Variants in NR2C2 observed in about 807,000 individuals in gnomAD.
NR2C2 encodes nuclear receptor subfamily 2 group C member 2.
A neutral mutation model predicts 62.9 loss-of-function variants in NR2C2; 6 were observed. The ratio of observed to expected loss-of-function variants is 0.10; its 90% CI spans 0.05 to 0.19. The LOEUF (loss-of-function observed/expected upper bound fraction) is 0.19, where lower values mean the gene tolerates loss of function less well. Among genes scored for constraint, NR2C2 ranks in the 10% least tolerant of loss-of-function variants. The pLI is 1.00. For synonymous variants in NR2C2, 272 were observed against 273.8 expected, an observed-to-expected ratio of 0.99 and a Z score of 0.07; for missense variants, 479 against 762.7, an observed-to-expected ratio of 0.63 and a Z score of 4.38.
At chr3:15,013,370 GA>G (rs1313147498) in intron 2 of NR2C2, among the ~76,000 whole-genome samples, 2 of 152,218 alleles carry the variant, frequency 1.3e-5, no homozygotes, top group Admixed American at 6.5e-5. Flanking sequence ...CAGTAGGAAA[GA>G]TATAGTCCTA....
chr3:14,972,873 A>C (rs1005622172), intron 1 of NR2C2, among the ~76,000 whole-genome samples: 14 of 152,142 alleles, frequency 9.2e-5, no homozygotes, highest in African/African-American at 3.1e-4. Context: ...ACCAGATCTC[A>C]TGGTAACTCA....
In NR2C2 at chr3:15,023,355, C is replaced by T; in HGVS notation, c.704+8C>T. On this transcript the variant is annotated splice_region_variant and intron_variant, in intron 6 of 13. Transcript: ENST00000425241. The stretch of plus-strand genomic sequence containing the variant: ...AGACAAAGATGGAGCAAGGTCAGTC[C>T]CTTGTTCTCACTGCAATCAGCCTTT... 4.3e-6 allele frequency: 7 copies of T among 1,613,828 alleles called. No homozygotes were observed. Among genetic ancestry groups the T allele is most frequent in the Non-Finnish European group, 5.1e-6 (6 of 1,179,926 alleles).
intron 2 of NR2C2, among the ~76,000 whole-genome samples, chr3:15,010,299 T>C (rs923125618): frequency 4.6e-5 from 7 of 152,004 alleles, no homozygotes; most frequent in African/African-American, 1.7e-4. Context: ...TTTAGTTTTT[T>C]CATGGGCGTG....
At chr3:15,031,325 C>T (rs2041973993) in intron 9 of NR2C2, among the ~76,000 whole-genome samples, 1 of 152,082 alleles carries the variant, frequency 6.6e-6, no homozygotes, top group African/African-American at 2.4e-5. Context: ...GAAGCCCTCT[C>T]AGTCTCTAGG....
At chr3:14,965,038 C>T (rs1001299827) in intron 1 of NR2C2, among the ~76,000 whole-genome samples, 6 of 152,080 alleles carry the variant, frequency 3.9e-5, no homozygotes, top group African/African-American at 1.4e-4. Flanking sequence ...GCATGCACAT[C>T]GTTGGCATGT....
At position 15,003,933 on chromosome 3, in the gene NR2C2, C is replaced by G; in HGVS notation, c.19C>G (p.Arg7Gly). Residue 7 changes from arginine to glycine, a missense_variant, in exon 2 of 14, where the codon CGC becomes GGC. Transcript: ENST00000425241. MTSPSP[R>G]IQIISTDSAV... ...TCCAGGGATGACCAGCCCCTCCCCACGCATCCAGATAATCTCCACCGACTC... is the reference window on the plus strand; with the variant it reads ...TCCAGGGATGACCAGCCCCTCCCCAGGCATCCAGATAATCTCCACCGACTC... The G allele has an allele frequency of 6.2e-7, 1 of 1,613,912 alleles. No homozygotes were observed. The highest frequency in any genetic ancestry group is 1.7e-5 in the Admixed American group (1 of 59,992).
intron 1 of NR2C2, among the ~76,000 whole-genome samples, chr3:14,991,103 T>G (rs1444551603): frequency 1.3e-5 from 2 of 152,224 alleles, no homozygotes; most frequent in African/African-American, 4.8e-5. Context: ...GCGCTAAGTT[T>G]TACCTTTTTA....
intron 1 of NR2C2, among the ~76,000 whole-genome samples, chr3:14,977,070 A>G (rs2040227920): frequency 6.6e-6 from 1 of 152,030 alleles, no homozygotes; most frequent in Non-Finnish European, 1.5e-5. Context: ...TTCTTCCCTC[A>G]GTTTTTTTCT....
intron 1 of NR2C2, among the ~76,000 whole-genome samples, chr3:14,989,374 G>A (rs887967083): frequency 1.3e-5 from 2 of 152,174 alleles, no homozygotes; most frequent in Non-Finnish European, 2.9e-5. Context: ...TGCCCGGTGC[G>A]TGTTGGGTGG....
intron 2 of NR2C2, chr3:15,004,607 A>G (rs770657594): frequency 5.0e-6 from 8 of 1,612,502 alleles, no homozygotes; most frequent in Non-Finnish European, 5.9e-6. Flanking sequence ...CTTTGAACAA[A>G]GAGAAGGTAG....
chr3:14,982,407 T>A (rs1406297760), intron 1 of NR2C2, among the ~76,000 whole-genome samples: 1 of 152,148 alleles, frequency 6.6e-6, no homozygotes, highest in Non-Finnish European at 1.5e-5. Flanking sequence ...CTTTTCAGAG[T>A]TGGAATTGCA....
At chr3:15,032,300 G>T (rs1367609406) in intron 9 of NR2C2, 79 bp from the exon 10 acceptor site, 6 of 1,593,466 alleles carry the variant, frequency 3.8e-6, no homozygotes, top group Non-Finnish European at 4.3e-6. Context: ...ATTGAAGCAT[G>T]ACAGGGATAC....
chr3:15,000,834 T>G (rs564089783), intron 1 of NR2C2, among the ~76,000 whole-genome samples: 292 of 135,380 alleles, frequency 2.2e-3, no homozygotes, highest in Middle Eastern at 4.1e-3. Flanking sequence ...TTTTTTTTTT[T>G]GACGGAGTCT....
chr3:15,042,998 C>T lies in NR2C2; in HGVS notation c.1781C>T (p.Ala594Val), dbSNP rs1042123. The T allele has an allele frequency of 6.2e-7, 1 of 1,613,876 alleles. No homozygotes were observed. Among genetic ancestry groups the T allele is most frequent in the South Asian group, 1.1e-5 (1 of 91,048 alleles). ...GAGTATAATGGCCAGATCACCGGAG[C>T]CAGTCTATAGCGCAAACCACACACC... ...TAEYNGQITG[A>V]SL Residue 594 changes from alanine to valine, a missense_variant, in exon 14 of 14, where the codon GCC (alanine) becomes GTC (valine). Coordinates refer to ENST00000425241, the MANE Select transcript of NR2C2 (RefSeq NM_001291694.2).
chr3:14,960,462 C>T (rs904494970), intron 1 of NR2C2, among the ~76,000 whole-genome samples: 1 of 152,082 alleles, frequency 6.6e-6, no homozygotes, highest in Non-Finnish European at 1.5e-5. Context: ...AGAAATAATT[C>T]TGTACTAGGC....
At chr3:15,005,519 CTT>C (rs574293033) in intron 2 of NR2C2, among the ~76,000 whole-genome samples, 18 of 114,068 alleles carry the variant, frequency 1.6e-4, no homozygotes, top group Admixed American at 7.3e-4. Flanking sequence ...GCGTGGCCAA[CTT>C]TTTTTTTTTT....
At chr3:15,015,142 T>C (rs1292767748) in intron 3 of NR2C2, among the ~76,000 whole-genome samples, 1 of 152,232 alleles carries the variant, frequency 6.6e-6, no homozygotes, top group Non-Finnish European at 1.5e-5. Context: ...TTTAGAGTAC[T>C]CCTTGTCTGT....
chr3:15,006,816 C>T (rs955704103), intron 2 of NR2C2, among the ~76,000 whole-genome samples: 1 of 151,488 alleles, frequency 6.6e-6, no homozygotes, highest in Admixed American at 6.6e-5. Context: ...GCTCTTGTCG[C>T]CCAGGCTGGA....
chr3:15,033,605 C>A (rs977123959), intron 10 of NR2C2, among the ~76,000 whole-genome samples: 11 of 146,588 alleles, frequency 7.5e-5, no homozygotes, highest in African/African-American at 2.5e-4. Flanking sequence ...TGGCCTACCC[C>A]TTGCTACTAT....
Sources: gnomAD v4.1 joint callset for allele counts (sites outside exome capture counted in the v4.1 genomes callset) on GRCh38, gnomAD v4.1.1 for gene constraint, MANE v1.5 for transcripts, NCBI Gene and HGNC (gene_info 2026-07-23, HGNC 2026-07-21) for gene names.